Variants in CPNE8 observed in about 807,000 individuals in gnomAD.
CPNE8 encodes the protein copine-8.
Under a neutral mutation model 81.5 loss-of-function variants are expected in CPNE8, and 45 were observed. That is an observed-to-expected ratio of 0.55 (90% confidence interval 0.44 to 0.71). The LOEUF (loss-of-function observed/expected upper bound fraction) is 0.71. Among genes scored for constraint, CPNE8 ranks in the 30% least tolerant of loss-of-function variants. The pLI, the probability that CPNE8 is intolerant of heterozygous loss-of-function variation, is 0.00. For synonymous variants in CPNE8, 252 were observed against 226.3 expected (o/e 1.11, Z -1.02); for missense variants, 594 against 672.1 (o/e 0.88, Z 1.28).
At chr12:38,715,451 T>C (rs1325384783) in intron 13 of CPNE8, among the ~76,000 whole-genome samples, 2 of 152,080 alleles carry the variant, frequency 1.3e-5, no homozygotes, top group Non-Finnish European at 2.9e-5. Flanking sequence ...GGAAAGGTTA[T>C]GATAATTAGG....
intron 6 of CPNE8, among the ~76,000 whole-genome samples, chr12:38,798,215 C>A (rs1942553190): frequency 6.6e-6 from 1 of 152,044 alleles, no homozygotes; most frequent in Admixed American, 6.6e-5. Flanking sequence ...AAAGATACTC[C>A]TTGAGAAGAG....
rs1938952863 is a variant in CPNE8 at position 38,661,558 on chromosome 12, T to G, written c.1507-7488A>C. Among the ~76,000 whole-genome samples, 4 of 152,134 alleles carry G rather than the reference T, an allele frequency of 2.6e-5. No individual in the cohort carries two copies. The South Asian group carries it at 8.3e-4, about 32-fold the overall frequency. ...CCAACATGGCACATATATACCTATG[T>G]AACAAACCTGCACGTTGTACCCTAG... On this transcript the variant is annotated intron_variant, in intron 19 of 19. Transcript: ENST00000331366.
intron 6 of CPNE8, among the ~76,000 whole-genome samples, chr12:38,794,934 C>G (rs536631266): frequency 6.6e-6 from 1 of 152,278 alleles, no homozygotes; most frequent in Admixed American, 6.5e-5. Flanking sequence ...GTCAGTATGG[C>G]TAGAATAAAG....
chr12:38,838,464 C>G (rs910745207), intron 5 of CPNE8, among the ~76,000 whole-genome samples: 2 of 152,162 alleles, frequency 1.3e-5, no homozygotes, highest in African/African-American at 4.8e-5. Flanking sequence ...TAATCAACAA[C>G]CTATGTGTGA....
intron 6 of CPNE8, 151 bp from the exon 7 acceptor site, chr12:38,776,452 T>G (rs1177847902): frequency 4.1e-6 from 1 of 244,258 alleles, no homozygotes; most frequent in Non-Finnish European, 7.6e-6. Context: ...TTTGAGTAGC[T>G]GGGATTACAG....
At chr12:38,680,063 A>G (rs1479824184) in intron 16 of CPNE8, among the ~76,000 whole-genome samples, 1 of 151,906 alleles carries the variant, frequency 6.6e-6, no homozygotes, top group Non-Finnish European at 1.5e-5. Context: ...TAGCCTATCT[A>G]TAATTTATAT....
rs1203428581 is a variant in CPNE8 at position 38,807,333 on chromosome 12, A to G, written c.407+22046T>C. On this transcript the variant is annotated intron_variant, in intron 6 of 19. Transcript: ENST00000331366. ...AAAAGAACAAAGCTGGAGGCATCAC[A>G]CTACCTGACTTCAAACTATACTACA... 8.8e-5 allele frequency among the ~76,000 whole-genome samples: 13 copies of G among 148,184 alleles called. No individual in the cohort carries two copies. In the South Asian group the frequency reaches 1.8e-3, roughly 20 times the overall value.
intron 8 of CPNE8, among the ~76,000 whole-genome samples, chr12:38,763,974 A>C (rs988468402): frequency 6.6e-6 from 1 of 152,176 alleles, no homozygotes; most frequent in Non-Finnish European, 1.5e-5. Context: ...GAAACATAAT[A>C]CTTTATGAAA....
chr12:38,742,727 T>C (rs906185007), intron 10 of CPNE8, among the ~76,000 whole-genome samples: 1 of 136,540 alleles, frequency 7.3e-6, no homozygotes. Flanking sequence ...ACATAAACCA[T>C]AGGAAGAATG....
intron 6 of CPNE8, among the ~76,000 whole-genome samples, chr12:38,799,027 A>C (rs534518577): frequency 6.6e-6 from 1 of 152,342 alleles, no homozygotes; most frequent in South Asian, 2.1e-4. Flanking sequence ...CACCCAATAC[A>C]GGAGCACCCA....
At chr12:38,670,307 G>C (rs1460215929) in intron 19 of CPNE8, among the ~76,000 whole-genome samples, 2 of 152,032 alleles carry the variant, frequency 1.3e-5, no homozygotes, top group Non-Finnish European at 2.9e-5. Flanking sequence ...GAAATTTTAT[G>C]CAACTATTAA....
At chr12:38,903,089 T>C (rs887748632) in intron 1 of CPNE8, among the ~76,000 whole-genome samples, 17 of 152,330 alleles carry the variant, frequency 1.1e-4, no homozygotes, top group Admixed American at 3.3e-4. Flanking sequence ...AATATTTTTA[T>C]CTTTGAATTT....
intron 1 of CPNE8, among the ~76,000 whole-genome samples, chr12:38,895,812 A>C (rs1944381118): frequency 6.6e-6 from 1 of 152,148 alleles, no homozygotes; most frequent in South Asian, 2.1e-4. Context: ...TCAAGCCGAC[A>C]ATAAAGAATT....
intron 7 of CPNE8, among the ~76,000 whole-genome samples, chr12:38,774,469 TA>T (rs201710109): frequency 1.3e-5 from 2 of 152,218 alleles, no homozygotes; most frequent in African/African-American, 2.4e-5. Flanking sequence ...TCATTTTAAC[TA>T]AAAAAATAGG....
intron 14 of CPNE8, among the ~76,000 whole-genome samples, chr12:38,699,026 T>C (rs1232233493): frequency 6.6e-6 from 1 of 152,232 alleles, no homozygotes; most frequent in Non-Finnish European, 1.5e-5. Flanking sequence ...TAAAGATTGC[T>C]TTAAATCTGT....
intron 6 of CPNE8, among the ~76,000 whole-genome samples, chr12:38,798,335 A>C (rs1942557226): frequency 6.6e-6 from 1 of 152,194 alleles, no homozygotes. Context: ...AGCCCATCAC[A>C]CTAACAGCTG....
Position 38,723,848 on chromosome 12 carries a change from G to T in CPNE8, c.853-15C>A, listed in dbSNP as rs755423992. On this transcript the variant is annotated splice_polypyrimidine_tract_variant and intron_variant, in intron 12 of 19. Transcript: ENST00000331366. ...AGTAAAGTTACCTGAAAAAGAAAAA[G>T]ACAGAATTACCTTCTAGTTGTTTGT... 4 of 1,496,818 alleles carry T rather than the reference G, an allele frequency of 2.7e-6. No homozygotes were observed. Among genetic ancestry groups the T allele is most frequent in the Non-Finnish European group, 3.7e-6 (4 of 1,077,354 alleles). 92.7% of individuals were successfully genotyped at this position (1,496,818 alleles called of 1,614,324 possible).
chr12:38,815,047 T>C (rs969785649), intron 6 of CPNE8, among the ~76,000 whole-genome samples: 2 of 152,216 alleles, frequency 1.3e-5, no homozygotes, highest in Non-Finnish European at 2.9e-5. Flanking sequence ...CCTTTCACAC[T>C]GACCTCATCC....
In CPNE8 at chr12:38,670,734, C is replaced by T; in HGVS notation, c.1501G>A (p.Val501Met). The change falls in exon 19 of 20, where the codon GTG becomes ATG. Residue 501 changes from valine to methionine, a missense_variant. Physicochemically the swap from Val to Met is conservative, Grantham distance 21. Transcript: ENST00000331366. ...SRGKYAERDI[V>M]QFVPFRDYID... is the part of the protein sequence containing the mutation. ...GGAAAAGGTTTATTTCTTACCTGCA[C>T]AATGTCTCTTTCAGCATATTTTCCT... 6.2e-7 allele frequency: 1 copy of T among 1,604,094 alleles called. No homozygotes were observed. The highest frequency in any genetic ancestry group is 8.5e-7 in the Non-Finnish European group (1 of 1,173,322).
Sources: gnomAD v4.1 joint callset for allele counts (sites outside exome capture counted in the v4.1 genomes callset) on GRCh38, gnomAD v4.1.1 for gene constraint, MANE v1.5 for transcripts, NCBI Gene and HGNC (gene_info 2026-07-23, HGNC 2026-07-21) for gene names.